Variants in PCDH11X observed in about 807,000 individuals in gnomAD.
The protein encoded by PCDH11X is protocadherin-11 X-linked.
In PCDH11X, 18 loss-of-function variants were observed where a neutral mutation model predicts 53.3. The ratio of observed to expected loss-of-function variants is 0.34; its 90% CI spans 0.23 to 0.50. The LOEUF (loss-of-function observed/expected upper bound fraction) is 0.50. PCDH11X is among the 20% of genes least tolerant of loss of function. The pLI is 0.98. For synonymous variants in PCDH11X, 279 were observed against 393.3 expected, an observed-to-expected ratio of 0.71 and a Z score of 3.44; for missense variants, 570 against 1,032.4, an observed-to-expected ratio of 0.55 and a Z score of 6.14.
In PCDH11X at chrX:92,382,264, C is replaced by G. The variant is rs745840829; in HGVS notation, c.3145-5471C>G. 2.7e-5 allele frequency among the ~76,000 whole-genome samples: 3 copies of G among 111,718 alleles called. No individual in the cohort carries two copies. In the East Asian group the frequency reaches 8.5e-4, roughly 32 times the overall value. On this transcript the variant is annotated intron_variant, in intron 8 of 10. Coordinates refer to ENST00000682573, the MANE Select transcript of PCDH11X (RefSeq NM_032968.5). Reference sequence around the variant, plus strand: ...AGTAATGACCCTACATATGATTACTCTTTCTAATCAGAGTTACTGGTGATG... The same window carrying G: ...AGTAATGACCCTACATATGATTACTGTTTCTAATCAGAGTTACTGGTGATG...
rs1482154737 is a variant in PCDH11X, at chrX:91,886,926, G to T, written c.3033+7653G>T. ...GCGGAGCTTGCAGTGAGCCAAGATG[G>T]CGCCACTGCACTCCAGCCTGGGCGA... On this transcript the variant is annotated intron_variant, in intron 6 of 10. Transcript: ENST00000682573. Among the ~76,000 whole-genome samples the T allele has an allele frequency of 1.0e-4, 10 of 100,460 alleles. No homozygotes were observed. The Admixed American group carries it at 1.1e-3, about 11-fold the overall frequency. 87.2% of individuals were successfully genotyped at this position (100,460 alleles called of 115,157 possible).
rs1370529611 is a variant in PCDH11X at position 92,623,190 on chromosome X, TTTC to T, written c.*4253_*4255del. ...CTATTTCAGGTTCTGTATTGCATGTTTTCTTATTAATATATATTAATAAAAGTT... is the reference window on the plus strand; with the variant it reads ...CTATTTCAGGTTCTGTATTGCATGTTTTATTAATATATATTAATAAAAGTT... On this transcript the variant is annotated 3_prime_UTR_variant, in exon 11 of 11. Coordinates refer to ENST00000682573, the MANE Select transcript of PCDH11X (RefSeq NM_032968.5). The T allele has an allele frequency of 9.0e-6, 1 of 110,729 alleles. No individual in the cohort carries two copies. The highest frequency in any genetic ancestry group is 1.9e-5 in the Non-Finnish European group (1 of 52,700). 9.1% of individuals were successfully genotyped at this position (110,729 alleles called of 1,213,427 possible).
intron 6 of PCDH11X, among the ~76,000 whole-genome samples, chrX:91,899,590 A>G (rs1271666827): frequency 7.3e-5 from 8 of 110,116 alleles, no homozygotes; most frequent in Non-Finnish European, 1.5e-4. Flanking sequence ...ATATATATAT[A>G]TACATATAAA....
At chrX:91,856,806 A>G (rs1938359511) in intron 5 of PCDH11X, among the ~76,000 whole-genome samples, 1 of 111,714 alleles carries the variant, frequency 9.0e-6, no homozygotes, top group African/African-American at 3.3e-5. Context: ...GCTGCATAGT[A>G]TTCCATTGTG....
At chrX:92,402,948 G>A (rs2754942) in intron 9 of PCDH11X, among the ~76,000 whole-genome samples, 2 of 111,027 alleles carry the variant, frequency 1.8e-5, no homozygotes, top group African/African-American at 6.5e-5. Context: ...TCTTTTATAC[G>A]TGTTTATAAT....
chrX:92,264,671 G>A (rs1251474141), intron 8 of PCDH11X, among the ~76,000 whole-genome samples: 1 of 110,747 alleles, frequency 9.0e-6, no homozygotes, highest in East Asian at 2.9e-4. Context: ...TTGAAGAAGA[G>A]GAATGTTGGA....
chrX:92,240,736 G>C (rs1303185720), intron 7 of PCDH11X, among the ~76,000 whole-genome samples: 1 of 111,122 alleles, frequency 9.0e-6, no homozygotes, highest in Non-Finnish European at 1.9e-5. Context: ...TAATTATTTG[G>C]TCAACTTTCC....
At chrX:92,120,117 T>G (rs2064724276) in intron 6 of PCDH11X, among the ~76,000 whole-genome samples, 1 of 109,364 alleles carries the variant, frequency 9.1e-6, no homozygotes, top group Non-Finnish European at 1.9e-5. Flanking sequence ...AGTTGATGAC[T>G]TGTAGAATGG....
rs751886915 is a variant in PCDH11X, at chrX:91,956,406, A to T, written c.3033+77133A>T. ...TGGCTGGCAATAGTTTTTCCTTTCCATATTTAGTGCTTCCTTCAGGACCTC... is the reference window on the plus strand; with the variant it reads ...TGGCTGGCAATAGTTTTTCCTTTCCTTATTTAGTGCTTCCTTCAGGACCTC... On this transcript the variant is annotated intron_variant, in intron 6 of 10. Coordinates refer to ENST00000682573, the MANE Select transcript of PCDH11X (RefSeq NM_032968.5). Among the ~76,000 whole-genome samples, 9 of 111,459 alleles carry T rather than the reference A, an allele frequency of 8.1e-5. No homozygotes were observed. In the East Asian group the frequency reaches 2.5e-3, roughly 32 times the overall value.
At chrX:91,882,042 T>C (rs1212969253) in intron 6 of PCDH11X, among the ~76,000 whole-genome samples, 5 of 109,804 alleles carry the variant, frequency 4.6e-5, no homozygotes, top group Admixed American at 9.8e-5. Flanking sequence ...AAATACTTTC[T>C]AGTTCTCATA....
At chrX:92,299,667 G>GA (rs2068681188) in intron 8 of PCDH11X, among the ~76,000 whole-genome samples, 1 of 111,012 alleles carries the variant, frequency 9.0e-6, no homozygotes, top group South Asian at 3.8e-4. Flanking sequence ...TGTCCTCTTT[G>GA]AAATTTCCGA....
chrX:92,068,543 A>G (rs1196830366), intron 6 of PCDH11X, among the ~76,000 whole-genome samples: 1 of 109,536 alleles, frequency 9.1e-6, no homozygotes, highest in African/African-American at 3.3e-5. Flanking sequence ...TCTTGATAGT[A>G]CTATTATTAT....
At chrX:92,351,187 A>T (rs1315232348) in intron 8 of PCDH11X, among the ~76,000 whole-genome samples, 1 of 111,998 alleles carries the variant, frequency 8.9e-6, no homozygotes, top group African/African-American at 3.2e-5. Context: ...AACTAAAATT[A>T]CTTCTAATTT....
intron 6 of PCDH11X, among the ~76,000 whole-genome samples, chrX:92,014,269 C>A (rs1461068791): frequency 2.6e-3 from 289 of 111,867 alleles, no homozygotes; most frequent in Non-Finnish European, 2.8e-3. Flanking sequence ...ATGCAGCCAA[C>A]AGACACATGA....
chrX:92,569,617 C>T (rs1381662474), intron 10 of PCDH11X, among the ~76,000 whole-genome samples: 3 of 111,244 alleles, frequency 2.7e-5, no homozygotes, highest in Non-Finnish European at 5.6e-5. Context: ...ACCATGAGCT[C>T]TTCCAATGTC....
At chrX:92,064,480 C>G (rs1469164017) in intron 6 of PCDH11X, among the ~76,000 whole-genome samples, 13 of 75,756 alleles carry the variant, frequency 1.7e-4, no homozygotes, top group Non-Finnish European at 2.7e-4. Flanking sequence ...CAAATCCACA[C>G]AAATTAAAAA....
intron 6 of PCDH11X, among the ~76,000 whole-genome samples, chrX:92,074,313 G>A (rs2063744682): frequency 9.0e-6 from 1 of 110,832 alleles, no homozygotes; most frequent in Non-Finnish European, 1.9e-5. Context: ...TTCTGATAAA[G>A]TGAAGTTAAA....
At chrX:92,500,728 TAA>T (rs1223147804) in intron 10 of PCDH11X, among the ~76,000 whole-genome samples, 4 of 103,943 alleles carry the variant, frequency 3.8e-5, no homozygotes, top group Non-Finnish European at 3.9e-5. Context: ...AAAGCAGTGT[TAA>T]GAGGGAAATT....
intron 6 of PCDH11X, among the ~76,000 whole-genome samples, chrX:92,130,115 T>A (rs1287239934): frequency 1.8e-5 from 2 of 111,308 alleles, no homozygotes; most frequent in Non-Finnish European, 3.8e-5. Flanking sequence ...ATATGTAACA[T>A]CAGGACAATC....
Sources: gnomAD v4.1 joint callset for allele counts (sites outside exome capture counted in the v4.1 genomes callset) on GRCh38, gnomAD v4.1.1 for gene constraint, MANE v1.5 for transcripts, NCBI Gene and HGNC (gene_info 2026-07-23, HGNC 2026-07-21) for gene names.